NRXN3: variants seen among roughly 807,000 people sequenced by gnomAD.
NRXN3 encodes the protein neurexin 3.
Under a neutral mutation model 137.6 loss-of-function variants are expected in NRXN3, and 32 were observed. The ratio of observed to expected loss-of-function variants is 0.23; its 90% confidence interval spans 0.18 to 0.31. NRXN3 has a LOEUF of 0.31. Among genes scored for constraint, NRXN3 ranks in the 10% least tolerant of loss-of-function variants. The probability of loss-of-function intolerance (pLI) is 1.00; values close to 1 mark genes in which losing one functional copy is unlikely to be tolerated. For missense variants in NRXN3, 1,574 were observed against 2,062.5 expected, an observed-to-expected ratio of 0.76 and a Z score of 4.59; for synonymous variants, 798 against 784.5, an observed-to-expected ratio of 1.02 and a Z score of -0.29.
intron 10 of NRXN3, among the ~76,000 whole-genome samples, chr14:78,948,946 G>T (rs1369888190): frequency 3.3e-5 from 5 of 152,150 alleles, no homozygotes; most frequent in African/African-American, 1.2e-4. Context: ...GTATGACCTT[G>T]ACAGGTCACA....
chr14:79,272,837 T>C (rs1477128378), intron 15 of NRXN3, among the ~76,000 whole-genome samples: 1 of 151,948 alleles, frequency 6.6e-6, no homozygotes, highest in African/African-American at 2.4e-5. Flanking sequence ...ATCCCATGAG[T>C]TGGGTAACAT....
At chr14:78,876,849 C>T (rs1344959509) in intron 10 of NRXN3, among the ~76,000 whole-genome samples, 3 of 152,138 alleles carry the variant, frequency 2.0e-5, no homozygotes, top group Admixed American at 6.6e-5. Flanking sequence ...ACATAAAAAG[C>T]ACTCAATAAA....
intron 15 of NRXN3, among the ~76,000 whole-genome samples, chr14:79,133,935 A>G (rs2057927647): frequency 9.6e-6 from 1 of 103,846 alleles, no homozygotes; most frequent in African/African-American, 3.6e-5. Flanking sequence ...TCTCAAAAAA[A>G]AGAAAAAAAA....
intron 1 of NRXN3, among the ~76,000 whole-genome samples, chr14:78,199,015 A>G (rs112720780): frequency 1.5e-4 from 23 of 152,374 alleles, no homozygotes; most frequent in African/African-American, 5.5e-4. Flanking sequence ...CCTGGCTCCA[A>G]GGAACATTCT....
At chr14:78,477,399 A>C (rs1188737155) in intron 4 of NRXN3, among the ~76,000 whole-genome samples, 2 of 152,208 alleles carry the variant, frequency 1.3e-5, no homozygotes, top group African/African-American at 4.8e-5. Context: ...ATGCAATGCA[A>C]ATCTTTAATG....
intron 16 of NRXN3, among the ~76,000 whole-genome samples, chr14:79,471,293 A>G (rs976621396): frequency 5.3e-5 from 8 of 152,270 alleles, no homozygotes; most frequent in African/African-American, 1.7e-4. Context: ...GCTTTACACC[A>G]GGAAGATTTA....
intron 16 of NRXN3, among the ~76,000 whole-genome samples, chr14:79,633,598 TAGGAAGCAA>T (rs1456049230): frequency 6.6e-6 from 1 of 150,510 alleles, no homozygotes; most frequent in Non-Finnish European, 1.5e-5. Context: ...TCAGGAAGTC[TAGGAAGCAA>T]ACCACCTCTT....
intron 4 of NRXN3, among the ~76,000 whole-genome samples, chr14:78,559,356 A>G (rs1376317114): frequency 6.6e-6 from 1 of 152,128 alleles, no homozygotes; most frequent in Non-Finnish European, 1.5e-5. Context: ...GTTTTCATTT[A>G]GTTGGTTTTC....
intron 15 of NRXN3, among the ~76,000 whole-genome samples, chr14:79,373,525 T>C (rs1174384130): frequency 6.6e-6 from 1 of 152,206 alleles, no homozygotes; most frequent in Admixed American, 6.5e-5. Flanking sequence ...ACTTGATTAT[T>C]TTACTGTTTC....
chr14:78,570,424 C>T (rs1015548013), intron 4 of NRXN3, among the ~76,000 whole-genome samples: 8 of 152,246 alleles, frequency 5.3e-5, no homozygotes, highest in Non-Finnish European at 8.8e-5. Context: ...GTTATAGAAG[C>T]CCAGATGGAG....
At chr14:79,601,025 T>A (rs1227474783) in intron 16 of NRXN3, among the ~76,000 whole-genome samples, 1 of 151,056 alleles carries the variant, frequency 6.6e-6, no homozygotes, top group Non-Finnish European at 1.5e-5. Flanking sequence ...AGATTCTTGT[T>A]TTTTTCTTTG....
chr14:78,889,324 C>G (rs766557655), intron 10 of NRXN3, among the ~76,000 whole-genome samples: 4 of 151,970 alleles, frequency 2.6e-5, no homozygotes, highest in Non-Finnish European at 4.4e-5. Context: ...TTCCATCTTT[C>G]TGTAAATGGC....
chr14:79,295,475 A>G (rs2083917602), intron 15 of NRXN3, among the ~76,000 whole-genome samples: 1 of 152,196 alleles, frequency 6.6e-6, no homozygotes, highest in Admixed American at 6.5e-5. Context: ...CTGTAGCTTG[A>G]ATATCTCTGT....
chr14:78,466,926 A>G (rs2095123122), intron 4 of NRXN3, among the ~76,000 whole-genome samples: 1 of 152,188 alleles, frequency 6.6e-6, no homozygotes, highest in South Asian at 2.1e-4. Context: ...TAATCTGTAC[A>G]ACAATCCCCC....
At chr14:79,468,749 G>T (rs2096461978) in intron 16 of NRXN3, among the ~76,000 whole-genome samples, 1 of 152,208 alleles carries the variant, frequency 6.6e-6, no homozygotes, top group African/African-American at 2.4e-5. Context: ...GGCTTGAGCT[G>T]GAAGTCGGTC....
At chr14:79,682,903 A>T (rs1471562637) in intron 17 of NRXN3, among the ~76,000 whole-genome samples, 2 of 152,180 alleles carry the variant, frequency 1.3e-5, no homozygotes, top group African/African-American at 2.4e-5. Context: ...CCCTAAATGG[A>T]CATCTACATC....
At chr14:78,192,346 G>A (rs72683761) in intron 1 of NRXN3, among the ~76,000 whole-genome samples, 11,889 of 152,154 alleles carry the variant, frequency 0.078, 570 homozygotes, top group East Asian at 0.2. Flanking sequence ...CTCAGGTAGT[G>A]GTACAGGGCT....
At chr14:78,599,705 T>G (rs2097187487) in intron 4 of NRXN3, among the ~76,000 whole-genome samples, 1 of 152,210 alleles carries the variant, frequency 6.6e-6, no homozygotes, top group Non-Finnish European at 1.5e-5. Context: ...GATCACTCTT[T>G]TTTTACACTA....
At chr14:78,294,209 G>A (rs1398099758) in intron 3 of NRXN3, among the ~76,000 whole-genome samples, 3 of 152,156 alleles carry the variant, frequency 2.0e-5, no homozygotes, top group Non-Finnish European at 2.9e-5. Context: ...TGCCTTACAT[G>A]TCAGTACATT....
Sources: allele counts gnomAD v4.1 joint callset (sites outside exome capture counted in the v4.1 genomes callset), GRCh38; gene constraint gnomAD v4.1.1; transcripts MANE v1.5; gene names NCBI Gene and HGNC (gene_info 2026-07-23, HGNC 2026-07-21).